Variants in SURF4 observed in about 807,000 individuals in gnomAD.
The protein encoded by SURF4 is surfeit 4, also known as surfeit locus protein 4.
A neutral mutation model predicts 30.0 loss-of-function variants in SURF4; 3 were observed. The ratio of observed to expected loss-of-function variants is 0.10; its 90% CI spans 0.05 to 0.26. The LOEUF (loss-of-function observed/expected upper bound fraction) is 0.26, where lower values mean the gene tolerates loss of function less well. Among genes scored for constraint, SURF4 ranks in the 10% least tolerant of loss-of-function variants. The pLI, the probability that SURF4 is intolerant of heterozygous loss-of-function variation, is 1.00. For synonymous variants in SURF4, 143 were observed against 139.9 expected (o/e 1.02, Z -0.16); for missense variants, 217 against 350.8 (o/e 0.62, Z 3.05).
At chr9:133,368,230 C>T (rs2130155754) in intron 1 of SURF4, among the ~76,000 whole-genome samples, 14 of 152,200 alleles carry the variant, frequency 9.2e-5, no homozygotes, top group Non-Finnish European at 1.5e-4. Context: ...CCCAGAGTAC[C>T]CTGACAGAAC....
chr9:133,370,677 C>A (rs1052813686), intron 1 of SURF4, among the ~76,000 whole-genome samples: 7 of 152,200 alleles, frequency 4.6e-5, no homozygotes, highest in Admixed American at 1.3e-4. Flanking sequence ...ACACACAGCA[C>A]CCCAGGACAG....
chr9:133,365,048 T>G lies in SURF4; in HGVS notation c.357-22A>C, dbSNP rs1243702103. The G allele has an allele frequency of 3.3e-6, 5 of 1,507,492 alleles. No individual in the cohort carries two copies. The East Asian group carries it at 1.2e-4, about 37-fold the overall frequency. The allele number at this position is 1,507,492 out of a possible 1,614,324, so 93.4% of individuals were successfully genotyped here. ...GTTCCTGAGGAACAGATATGTGGGC[T>G]GGAAGCTAAGCCTCACCAGGATCTG... On this transcript the variant is annotated intron_variant, in intron 4 of 5. Coordinates refer to ENST00000371989, the MANE Select transcript of SURF4 (RefSeq NM_033161.4).
At chr9:133,364,799 C>G in intron 5 of SURF4, 41 bp downstream of exon 5, 1 of 1,608,010 alleles carries the variant, frequency 6.2e-7, no homozygotes. Context: ...GGACAGCATT[C>G]ACAGGAAACC....
chr9:133,373,933 A>AAAG (rs1240924262), intron 1 of SURF4, among the ~76,000 whole-genome samples: 14 of 149,236 alleles, frequency 9.4e-5, no homozygotes, highest in Middle Eastern at 3.4e-3. Flanking sequence ...AAAAAAAAAA[A>AAAG]AAGAAGAAGA....
At chr9:133,376,084 C>A, upstream of SURF4, 1 of 1,205,338 alleles carries the variant, frequency 8.3e-7, no homozygotes, top group South Asian at 4.1e-5. Flanking sequence ...CCTCGCTCCG[C>A]GTCGGCTGCG....
chr9:133,377,669 GAA>G (rs587711002), upstream of SURF4, among the ~76,000 whole-genome samples: 5 of 146,112 alleles, frequency 3.4e-5, no homozygotes, highest in Admixed American at 3.4e-4. Context: ...GTCTCAGAAA[GAA>G]AAAAAAAAAT....
chr9:133,366,250 T>A (rs148661646), intron 3 of SURF4, among the ~76,000 whole-genome samples: 1 of 152,364 alleles, frequency 6.6e-6, no homozygotes, highest in Non-Finnish European at 1.5e-5. Context: ...CTGAGACCAC[T>A]GATGTGGATT....
chr9:133,376,273 A>C (rs887336973), upstream of SURF4: 120 of 1,304,990 alleles, frequency 9.2e-5, no homozygotes, highest in Non-Finnish European at 1.1e-4. Context: ...CGCCGCGCGC[A>C]GGCCCTGCGG....
rs1332648545 is a variant in SURF4 at position 133,364,935 on chromosome 9, C to T, written c.448G>A (p.Glu150Lys). 1 of 1,613,894 alleles carries T rather than the reference C, an allele frequency of 6.2e-7. No individual in the cohort carries two copies. The highest frequency in any genetic ancestry group is 8.5e-7 in the Non-Finnish European group (1 of 1,179,902). ...TGCATGTACTGTTTGGGGGAGCTCT[C>T]ACGCATGGTGGGGACGCCCGCAAAC... ...SMFAGVPTMR[E>K]SSPKQYMQLG... The change falls in exon 5 of 6, where the codon GAG becomes AAG. Residue 150 changes from glutamate (E) to lysine (K), a missense_variant. Transcript: ENST00000371989.
chr9:133,370,109 C>G (rs2130176589), intron 1 of SURF4, among the ~76,000 whole-genome samples: 3 of 152,224 alleles, frequency 2.0e-5, no homozygotes, highest in Non-Finnish European at 2.9e-5. Flanking sequence ...AAGCCTCCCC[C>G]AGTTGCAGGA....
Position 133,363,340 on chromosome 9 carries a change from G to T in SURF4, c.*153C>A. ...CAGACTGAGCCATCGATTCTCAGGT[G>T]TCTCTGCAAATAAAGTTCTCAAAAC... On this transcript the variant is annotated 3_prime_UTR_variant, in exon 6 of 6. Transcript: ENST00000371989. The surrounding 1 kb of genome is among the most constrained non-coding windows in gnomAD (Gnocchi z 4.3). 2 of 1,241,124 alleles carry T rather than the reference G, an allele frequency of 1.6e-6. No homozygotes were observed. Among genetic ancestry groups the T allele is most frequent in the Non-Finnish European group, 2.3e-6 (2 of 863,472 alleles). 76.9% of individuals were successfully genotyped at this position (1,241,124 alleles called of 1,614,324 possible).
chr9:133,374,350 C>G (rs587689231), intron 1 of SURF4, among the ~76,000 whole-genome samples: 1 of 151,316 alleles, frequency 6.6e-6, no homozygotes, highest in East Asian at 1.9e-4. Context: ...GTCGGGAGTT[C>G]GAGACCAGCC....
In SURF4 at chr9:133,362,317, AAGAG is replaced by A. The variant is rs1206909206; in HGVS notation, c.*1172_*1175del. 6.6e-6 allele frequency: 1 copy of A among 152,640 alleles called. No individual in the cohort carries two copies. Among genetic ancestry groups the A allele is most frequent in the African/African-American group, 2.4e-5 (1 of 41,448 alleles). The allele number at this position is 152,640 out of a possible 1,614,324, so 9.5% of individuals were successfully genotyped here. A position where few individuals can be genotyped will look rare whatever the true frequency, so the allele number is the denominator to read the frequency against. ...CAACAAGCAGTTAAGCTCCCCCAAA[AAGAG>A]AAACACAGTATAAGGCAGTGTTAGA... is the stretch of plus-strand genomic sequence containing the variant. On this transcript the variant is annotated 3_prime_UTR_variant, in exon 6 of 6. Transcript: ENST00000371989.
chr9:133,373,896 C>A (rs1240357446), intron 1 of SURF4, among the ~76,000 whole-genome samples: 1 of 96,800 alleles, frequency 1.0e-5, no homozygotes, highest in East Asian at 2.9e-4. Context: ...CCAGCCTGAG[C>A]GAAATTCTGT....
chr9:133,370,569 T>C (rs1452448793), intron 1 of SURF4, among the ~76,000 whole-genome samples: 2 of 152,178 alleles, frequency 1.3e-5, no homozygotes, highest in Non-Finnish European at 2.9e-5. Flanking sequence ...CACAACTACT[T>C]CAACTTGGCC....
Position 133,376,001 on chromosome 9 carries a change from C to T in SURF4, c.-32G>A, listed in dbSNP as rs1837899364. 2 of 1,221,872 alleles carry T rather than the reference C, an allele frequency of 1.6e-6. No homozygotes were observed. The highest frequency in any genetic ancestry group is 2.0e-6 in the Non-Finnish European group (2 of 979,594). The allele number at this position is 1,221,872 out of a possible 1,614,324, so 75.7% of individuals were successfully genotyped here. On this transcript the variant is annotated 5_prime_UTR_variant, in exon 1 of 6. Transcript: ENST00000371989. ...GGCGGGAGGCTCGGCTCGGCTCGCT[C>T]GCTCGCTCGCTGGCTCTCGCCCGTC...
At chr9:133,376,265 C>T (rs1047308253), upstream of SURF4, 1 of 1,304,528 alleles carries the variant, frequency 7.7e-7, no homozygotes, top group Non-Finnish European at 9.7e-7. Flanking sequence ...GCCCCGCCCG[C>T]CGCGCGCAGG....
At position 133,363,589 on chromosome 9, in the gene SURF4, G is replaced by C. The variant is rs2130088738; in HGVS notation, c.714C>G (p.Asp238Glu). Reference sequence around the variant, plus strand: ...CAATCACCGACATGGTCTGGAAGAAGTCGTATTTCAGGAAGTCATGCATGG... The same window carrying C: ...CAATCACCGACATGGTCTGGAAGAACTCGTATTTCAGGAAGTCATGCATGG... ...YKPMHDFLKY[D>E]FFQTMSVIGG... The change falls in exon 6 of 6, where the codon GAC becomes GAG. Residue 238 changes from aspartate (D) to glutamate (E), a missense_variant. Coordinates refer to ENST00000371989, the MANE Select transcript of SURF4 (RefSeq NM_033161.4). The surrounding 1 kb of genome is among the most constrained non-coding windows in gnomAD (Gnocchi z 4.3). 5 of 1,614,098 alleles carry C rather than the reference G, an allele frequency of 3.1e-6. No homozygotes were observed. The highest frequency in any genetic ancestry group is 4.2e-6 in the Non-Finnish European group (5 of 1,180,056).
upstream of SURF4, among the ~76,000 whole-genome samples, chr9:133,377,916 T>G (rs1838035564): frequency 6.6e-6 from 1 of 152,180 alleles, no homozygotes; most frequent in African/African-American, 2.4e-5. Context: ...CTCGGGATGA[T>G]GGGAGACAGT....
Sources: allele counts gnomAD v4.1 joint callset (sites outside exome capture counted in the v4.1 genomes callset), GRCh38; gene constraint gnomAD v4.1.1; non-coding constraint Gnocchi (gnomAD v3.1); transcripts MANE v1.5; gene names NCBI Gene and HGNC (gene_info 2026-07-23, HGNC 2026-07-21).